Variants in FGF10 observed in about 807,000 individuals in gnomAD.
FGF10 encodes the protein FGF-10.
Under a neutral mutation model 19.8 loss-of-function variants are expected in FGF10, and 2 were observed. The observed-to-expected ratio is 0.10, with a 90% CI of 0.04 to 0.32. FGF10 has a LOEUF of 0.32. Among genes scored for constraint, FGF10 ranks in the 10% least tolerant of loss-of-function variants. FGF10 has a pLI of 1.00. For missense variants in FGF10, 191 were observed against 246.3 expected, an observed-to-expected ratio of 0.78 and a Z score of 1.50; for synonymous variants, 112 against 94.0, an observed-to-expected ratio of 1.19 and a Z score of -1.10.
At chr5:44,321,375 T>C (rs1014971603) in intron 1 of FGF10, among the ~76,000 whole-genome samples, 2 of 152,216 alleles carry the variant, frequency 1.3e-5, no homozygotes, top group Admixed American at 1.3e-4. Context: ...TTTAGTGCAA[T>C]ATATTTTTCA....
At chr5:44,361,873 A>C (rs1414697646) in intron 1 of FGF10, among the ~76,000 whole-genome samples, 1 of 151,644 alleles carries the variant, frequency 6.6e-6, no homozygotes, top group African/African-American at 2.4e-5. Flanking sequence ...CTGCATCTGC[A>C]AAAGGTCTCT....
At chr5:44,338,130 A>G (rs548572558) in intron 1 of FGF10, among the ~76,000 whole-genome samples, 2 of 152,330 alleles carry the variant, frequency 1.3e-5, no homozygotes, top group South Asian at 4.1e-4. Flanking sequence ...AATTGCTAAT[A>G]ATGTAAGCTT....
intron 1 of FGF10, among the ~76,000 whole-genome samples, chr5:44,378,817 G>C (rs1214828038): frequency 6.6e-6 from 1 of 152,072 alleles, no homozygotes; most frequent in South Asian, 2.1e-4. Context: ...CCACTTCATC[G>C]AATAATATAA....
chr5:44,317,984 G>C (rs10060198), intron 1 of FGF10, among the ~76,000 whole-genome samples: 1 of 151,980 alleles, frequency 6.6e-6, no homozygotes, highest in African/African-American at 2.4e-5. Context: ...TGATTCTATC[G>C]CTAGTTTTGG....
At position 44,308,548 on chromosome 5, in the gene FGF10, GAAAA is replaced by G. The variant is rs1214323191; in HGVS notation, c.429+1875_429+1878del. 1.3e-4 allele frequency among the ~76,000 whole-genome samples: 20 copies of G among 152,122 alleles called. 2 individuals carry two copies. The East Asian group carries it at 3.7e-3, about 28-fold the overall frequency. On this transcript the variant is annotated intron_variant, in intron 2 of 2. Coordinates refer to ENST00000264664, the MANE Select transcript of FGF10 (RefSeq NM_004465.2). ...AAGGAAGAACCTGGACATGTTTAAT[GAAAA>G]CATTAAACATGCCTCAAAAGAGATT...
intron 1 of FGF10, among the ~76,000 whole-genome samples, chr5:44,383,536 G>A (rs1026625624): frequency 2.0e-5 from 3 of 151,954 alleles, no homozygotes; most frequent in Admixed American, 6.6e-5. Flanking sequence ...GCTCCAATAC[G>A]GGCATCTGAT....
chr5:44,334,481 C>T (rs1056298697), intron 1 of FGF10, among the ~76,000 whole-genome samples: 2 of 152,008 alleles, frequency 1.3e-5, no homozygotes, highest in Non-Finnish European at 2.9e-5. Flanking sequence ...ATGGTTACTT[C>T]CCACAGGGAA....
At chr5:44,308,692 CA>C (rs982548609) in intron 2 of FGF10, among the ~76,000 whole-genome samples, 15 of 151,614 alleles carry the variant, frequency 9.9e-5, no homozygotes, top group East Asian at 1.9e-4. Context: ...GACCCCCATG[CA>C]AAAAAAAGCA....
chr5:44,302,450 C>T lies in FGF10; in HGVS notation c.*2545G>A, dbSNP rs1739987692. Among the ~76,000 whole-genome samples, 1 of 152,058 alleles carries T rather than the reference C, an allele frequency of 6.6e-6. No individual in the cohort carries two copies. The highest frequency in any genetic ancestry group is 6.6e-5 in the Admixed American group (1 of 15,232). On this transcript the variant is annotated 3_prime_UTR_variant, in exon 3 of 3. Coordinates refer to ENST00000264664, the MANE Select transcript of FGF10 (RefSeq NM_004465.2). The stretch of plus-strand genomic sequence containing the variant: ...TATAGCTCACTGCAGCCTCAAACTC[C>T]TGGGCCCAAGAGATCCTTCCGTTTC...
intron 1 of FGF10, among the ~76,000 whole-genome samples, chr5:44,322,689 G>A (rs748707337): frequency 6.6e-6 from 1 of 151,926 alleles, no homozygotes; most frequent in African/African-American, 2.4e-5. Context: ...CAAAGAGCCT[G>A]CTTCAATTTC....
chr5:44,334,410 T>A (rs368874566), intron 1 of FGF10, among the ~76,000 whole-genome samples: 1 of 152,078 alleles, frequency 6.6e-6, no homozygotes, highest in Non-Finnish European at 1.5e-5. Flanking sequence ...ATAAAGGCTC[T>A]CCCAGGTCAC....
rs5867658 is a variant in FGF10, at chr5:44,311,176, GT to G, written c.326-647del. Among the ~76,000 whole-genome samples the G allele has an allele frequency of 3.8e-3, 564 of 147,156 alleles. 3 individuals carry two copies. The highest frequency in any genetic ancestry group is 0.011 in the African/African-American group (444 of 40,344). On this transcript the variant is annotated intron_variant, in intron 1 of 2. Coordinates refer to ENST00000264664, the MANE Select transcript of FGF10 (RefSeq NM_004465.2). The stretch of plus-strand genomic sequence containing the variant: ...AAATCCATAAACATGGATTTTTAAG[GT>G]TTTTTTTTTTCCTAGGAAAAATGGA...
intron 1 of FGF10, among the ~76,000 whole-genome samples, chr5:44,363,500 T>G (rs1267630288): frequency 6.6e-6 from 1 of 151,922 alleles, no homozygotes; most frequent in Non-Finnish European, 1.5e-5. Flanking sequence ...CTTTATGCTC[T>G]AAATTTTCTG....
At chr5:44,371,593 T>C (rs2111886395) in intron 1 of FGF10, among the ~76,000 whole-genome samples, 1 of 152,280 alleles carries the variant, frequency 6.6e-6, no homozygotes, top group South Asian at 2.1e-4. Context: ...TCAGATTGAA[T>C]GTATCGCCCA....
intron 1 of FGF10, among the ~76,000 whole-genome samples, chr5:44,362,641 C>A (rs1035758837): frequency 6.6e-6 from 1 of 151,660 alleles, no homozygotes; most frequent in Non-Finnish European, 1.5e-5. Flanking sequence ...AACAAATACT[C>A]CCTCAGCATG....
intron 1 of FGF10, among the ~76,000 whole-genome samples, chr5:44,318,996 T>C (rs1313906108): frequency 1.3e-5 from 2 of 152,196 alleles, no homozygotes; most frequent in Non-Finnish European, 2.9e-5. Context: ...TCATATCCAA[T>C]TCTCTTTCGT....
chr5:44,336,749 T>A (rs893611795), intron 1 of FGF10, among the ~76,000 whole-genome samples: 1 of 152,196 alleles, frequency 6.6e-6, no homozygotes, highest in African/African-American at 2.4e-5. Context: ...CTTAAAAGTA[T>A]ATAGAAGAAT....
intron 1 of FGF10, among the ~76,000 whole-genome samples, chr5:44,328,433 A>T (rs1740660814): frequency 6.6e-6 from 1 of 152,146 alleles, no homozygotes; most frequent in South Asian, 2.1e-4. Context: ...ACCCATACTG[A>T]CAATCTCATG....
intron 1 of FGF10, among the ~76,000 whole-genome samples, chr5:44,313,634 A>G (rs1740262301): frequency 6.6e-6 from 1 of 151,566 alleles, no homozygotes; most frequent in Admixed American, 6.6e-5. Context: ...TTATATTATT[A>G]ATGAAAGGAC....
Sources: allele counts gnomAD v4.1 joint callset (sites outside exome capture counted in the v4.1 genomes callset), GRCh38; gene constraint gnomAD v4.1.1; transcripts MANE v1.5; gene names NCBI Gene and HGNC (gene_info 2026-07-23, HGNC 2026-07-21).